COPS8: variants seen among roughly 807,000 people sequenced by gnomAD.
COPS8 encodes COP9 signalosome subunit 8.
COPS8 carries 11 observed loss-of-function variants against 31.5 expected under a neutral mutation model. The ratio of observed to expected loss-of-function variants is 0.35; its 90% CI spans 0.22 to 0.58. The LOEUF (loss-of-function observed/expected upper bound fraction) is 0.58. Among genes scored for constraint, COPS8 ranks in the 20% least tolerant of loss-of-function variants. The probability of loss-of-function intolerance (pLI) is 0.83; values close to 1 mark genes in which losing one functional copy is unlikely to be tolerated. For synonymous variants in COPS8, 81 were observed against 89.3 expected (o/e 0.91, Z 0.52); for missense variants, 215 against 255.1 (o/e 0.84, Z 1.07).
At chr2:237,091,153 G>A (rs1397191149) in intron 4 of COPS8, among the ~76,000 whole-genome samples, 1 of 152,146 alleles carries the variant, frequency 6.6e-6, no homozygotes, top group South Asian at 2.1e-4. Context: ...CGTCGGGTCC[G>A]TAGTTTTATT....
rs73083571 is a variant in COPS8, at chr2:237,097,859, A to G, written c.*117A>G. ...CTTAAGCACCTCAGCATTCCTTACT[A>G]TGTGATAAAATACATATAGAATATA... On this transcript the variant is annotated 3_prime_UTR_variant, in exon 8 of 8. Coordinates refer to ENST00000354371, the MANE Select transcript of COPS8 (RefSeq NM_006710.5). 11,254 of 650,224 alleles carry G rather than the reference A, an allele frequency of 0.017. 208 individuals are homozygous for G. Among genetic ancestry groups the G allele is most frequent in the Middle Eastern group, 0.061 (141 of 2,304 alleles). 40.3% of individuals were successfully genotyped at this position (650,224 alleles called of 1,614,324 possible). A position where few individuals can be genotyped will look rare whatever the true frequency, so the allele number is the denominator to read the frequency against.
rs1696846575 is a variant in COPS8 at position 237,098,740 on chromosome 2, T to G, written c.*998T>G. ...CTGGAAATTTCACTCTCGATCTTTC[T>G]GTGGACACAATCTATTTTGTCATTG... is the stretch of plus-strand genomic sequence containing the variant. On this transcript the variant is annotated 3_prime_UTR_variant, in exon 8 of 8. Coordinates refer to ENST00000354371, the MANE Select transcript of COPS8 (RefSeq NM_006710.5). 6.6e-6 allele frequency: 1 copy of G among 152,250 alleles called. No individual in the cohort carries two copies. The highest frequency in any genetic ancestry group is 1.9e-4 in the East Asian group (1 of 5,200). 9.4% of individuals were successfully genotyped at this position (152,250 alleles called of 1,614,324 possible).
intron 5 of COPS8, among the ~76,000 whole-genome samples, chr2:237,095,097 G>T (rs1481899209): frequency 6.6e-6 from 1 of 152,140 alleles, no homozygotes; most frequent in Non-Finnish European, 1.5e-5. Context: ...CATAGTTGTA[G>T]ATACATGAAG....
In COPS8 at chr2:237,097,954, G is replaced by A. The variant is rs2106348064; in HGVS notation, c.*212G>A. 4.6e-6 allele frequency: 2 copies of A among 434,958 alleles called. No individual in the cohort carries two copies. The highest frequency in any genetic ancestry group is 8.3e-6 in the Non-Finnish European group (2 of 241,466). 26.9% of individuals were successfully genotyped at this position (434,958 alleles called of 1,614,324 possible). ...TTGTTGAAACAGTTCTCATTTTGTAGTATTTAATAATCTGGATGGAGCCTG... is the reference window on the plus strand; with the variant it reads ...TTGTTGAAACAGTTCTCATTTTGTAATATTTAATAATCTGGATGGAGCCTG... On this transcript the variant is annotated 3_prime_UTR_variant, in exon 8 of 8. Coordinates refer to ENST00000354371, the MANE Select transcript of COPS8 (RefSeq NM_006710.5).
At position 237,089,940 on chromosome 2, in the gene COPS8, A is replaced by G. The variant is rs139644507; in HGVS notation, c.277A>G (p.Ile93Val). The G allele has an allele frequency of 3.1e-6, 5 of 1,613,946 alleles. No individual in the cohort carries two copies. The highest frequency in any genetic ancestry group is 2.7e-5 in the African/African-American group (2 of 74,926). Reference sequence around the variant, plus strand: ...AGATTTCCCTGGGATCTATACAACCATCAACGCTCACCAGTGGTCTGAGAC... The same window carrying G: ...AGATTTCCCTGGGATCTATACAACCGTCAACGCTCACCAGTGGTCTGAGAC... ...QRDFPGIYTT[I>V]NAHQWSETVQ... The change falls in exon 4 of 8, where the codon ATC (isoleucine) becomes GTC (valine). Residue 93 changes from isoleucine to valine, a missense_variant. Coordinates refer to ENST00000354371, the MANE Select transcript of COPS8 (RefSeq NM_006710.5).
intron 5 of COPS8, among the ~76,000 whole-genome samples, chr2:237,095,482 T>C (rs919440756): frequency 6.6e-6 from 1 of 152,204 alleles, no homozygotes; most frequent in African/African-American, 2.4e-5. Flanking sequence ...TTGTTATTAC[T>C]GATATGATGG....
intron 1 of COPS8, chr2:237,086,859 T>C: frequency 2.3e-6 from 1 of 434,750 alleles, no homozygotes. Context: ...TATTCTTGAA[T>C]GTATAAAGAA....
chr2:237,088,430 T>C (rs1696655571), intron 2 of COPS8, among the ~76,000 whole-genome samples, 175 bp from the exon 3 acceptor site: 1 of 152,248 alleles, frequency 6.6e-6, no homozygotes, highest in Non-Finnish European at 1.5e-5. Context: ...CATGTCCTTT[T>C]TATCTGGAAA....
chr2:237,094,068 C>T, intron 4 of COPS8, 22 bp from the exon 5 acceptor site: 1 of 1,610,310 alleles, frequency 6.2e-7, no homozygotes, highest in Non-Finnish European at 8.5e-7. Context: ...CACTCTCTGC[C>T]AACCCACCAC....
rs530064167 is a variant in COPS8, at chr2:237,086,387, G to T, written c.78+345G>T. On this transcript the variant is annotated intron_variant, in intron 1 of 7. Transcript: ENST00000354371. ...TAAAGTGGGTTTTATTAAAGATCTT[G>T]GTATACACACACACACTAACACACA... is the stretch of plus-strand genomic sequence containing the variant. 7.2e-5 allele frequency among the ~76,000 whole-genome samples: 11 copies of T among 151,896 alleles called. No individual in the cohort carries two copies. In the East Asian group the frequency reaches 1.7e-3, roughly 24 times the overall value.
intron 2 of COPS8, among the ~76,000 whole-genome samples, 166 bp from the exon 3 acceptor site, chr2:237,088,439 A>G (rs1394734891): frequency 6.6e-6 from 1 of 152,252 alleles, no homozygotes; most frequent in East Asian, 1.9e-4. Flanking sequence ...TTTATCTGGA[A>G]AACCACTATT....
intron 4 of COPS8, among the ~76,000 whole-genome samples, chr2:237,092,498 G>A (rs1696723341): frequency 6.6e-6 from 1 of 151,954 alleles, no homozygotes; most frequent in African/African-American, 2.4e-5. Context: ...TTGAAATACA[G>A]TTGACTTACC....
Position 237,099,030 on chromosome 2 carries a change from A to G in COPS8, c.*1288A>G, listed in dbSNP as rs1245842704. On this transcript the variant is annotated 3_prime_UTR_variant, in exon 8 of 8. Coordinates refer to ENST00000354371, the MANE Select transcript of COPS8 (RefSeq NM_006710.5). ...AGAGAATGACAGTGCCAGTTTTTTT[A>G]ACTTCCAGGTATTAAGTACAAATTG... 2.0e-5 allele frequency: 3 copies of G among 152,166 alleles called. No individual in the cohort carries two copies. The highest frequency in any genetic ancestry group is 4.4e-5 in the Non-Finnish European group (3 of 68,022). 9.4% of individuals were successfully genotyped at this position (152,166 alleles called of 1,614,324 possible). A position where few individuals can be genotyped will look rare whatever the true frequency, so the allele number is the denominator to read the frequency against.
rs1436840620 is a variant in COPS8 at position 237,098,379 on chromosome 2, A to G, written c.*637A>G. 2 of 152,350 alleles carry G rather than the reference A, an allele frequency of 1.3e-5. No individual in the cohort carries two copies. The highest frequency in any genetic ancestry group is 4.8e-5 in the African/African-American group (2 of 41,454). 9.4% of individuals were successfully genotyped at this position (152,350 alleles called of 1,614,324 possible). A position where few individuals can be genotyped will look rare whatever the true frequency, so the allele number is the denominator to read the frequency against. ...CTTGCCATGAAAATGCAACTTATTT[A>G]AGACATTTATGAGACATATTAACTT... On this transcript the variant is annotated 3_prime_UTR_variant, in exon 8 of 8. Transcript: ENST00000354371.
intron 4 of COPS8, chr2:237,093,539 C>A: frequency 3.4e-6 from 1 of 291,316 alleles, no homozygotes; most frequent in Non-Finnish European, 5.1e-6. Context: ...TATTGTTTGG[C>A]AGTCCCTTCT....
Position 237,086,006 on chromosome 2 carries a change from A to G in COPS8, c.42A>G (p.Lys14=). The change falls in exon 1 of 8, where the codon AAA becomes AAG. Residue 14 remains lysine, a synonymous_variant. Coordinates refer to ENST00000354371, the MANE Select transcript of COPS8 (RefSeq NM_006710.5). The part of the protein sequence containing the change: ...AVMAESAFSF[K]KLLDQCENQE... ...TGGCGGAAAGCGCCTTTAGTTTCAAAAAGTTGCTGGATCAGTGCGAGAACC... is the reference window on the plus strand; with the variant it reads ...TGGCGGAAAGCGCCTTTAGTTTCAAGAAGTTGCTGGATCAGTGCGAGAACC... The G allele has an allele frequency of 3.1e-6, 5 of 1,613,792 alleles. No individual in the cohort carries two copies. Among genetic ancestry groups the G allele is most frequent in the Non-Finnish European group, 4.2e-6 (5 of 1,179,808 alleles).
chr2:237,095,758 A>G, intron 5 of COPS8, 64 bp from the exon 6 acceptor site: 2 of 1,065,768 alleles, frequency 1.9e-6, no homozygotes, highest in South Asian at 1.3e-5. Flanking sequence ...TGTCATGGAC[A>G]AGTTGTGGAT....
In COPS8 at chr2:237,095,887, A is replaced by C; in HGVS notation, c.502+3A>C. The C allele has an allele frequency of 6.2e-7, 1 of 1,609,328 alleles. No individual in the cohort carries two copies. The highest frequency in any genetic ancestry group is 1.1e-5 in the South Asian group (1 of 90,976). ...AATGGTTCTGCCCAGAAAGCCAGGT[A>C]GGTGGAGCTTTCACCCATTTACGCA... On this transcript the variant is annotated splice_donor_region_variant and intron_variant, in intron 6 of 7. Coordinates refer to ENST00000354371, the MANE Select transcript of COPS8 (RefSeq NM_006710.5).
intron 3 of COPS8, 71 bp from the exon 4 acceptor site, chr2:237,089,791 T>C: frequency 7.0e-7 from 1 of 1,428,312 alleles, no homozygotes; most frequent in South Asian, 1.3e-5. Flanking sequence ...TTTCTGGTAT[T>C]TTGTTTTAAG....
Sources: gnomAD v4.1 joint callset for allele counts (sites outside exome capture counted in the v4.1 genomes callset) on GRCh38, gnomAD v4.1.1 for gene constraint, MANE v1.5 for transcripts, NCBI Gene and HGNC (gene_info 2026-07-23, HGNC 2026-07-21) for gene names.